Variants in EHMT2 observed in about 807,000 individuals in gnomAD.
The protein encoded by EHMT2 is euchromatic histone lysine methyltransferase 2, also known as histone-lysine N-methyltransferase EHMT2.
A neutral mutation model predicts 143.3 loss-of-function variants in EHMT2; 59 were observed. The observed-to-expected ratio is 0.41, with a 90% CI of 0.33 to 0.51. The LOEUF (loss-of-function observed/expected upper bound fraction) is 0.51, where lower values mean the gene tolerates loss of function less well. Ranked by LOEUF, EHMT2 falls within the 20% of genes least tolerant of loss-of-function variation. EHMT2 has a pLI of 0.18. For missense variants in EHMT2, 1,174 were observed against 1,645.9 expected (o/e 0.71, Z 4.96); for synonymous variants, 604 against 651.5 (o/e 0.93, Z 1.11).
In EHMT2 at chr6:31,881,841, C is replaced by T. The variant is rs573153580; in HGVS notation, c.3198-749G>A. 1.4e-4 allele frequency among the ~76,000 whole-genome samples: 21 copies of T among 152,164 alleles called. No homozygotes were observed. The highest frequency in any genetic ancestry group is 4.3e-4 in the African/African-American group (18 of 41,446). On this transcript the variant is annotated intron_variant, in intron 25 of 27. Coordinates refer to ENST00000375537, the Ensembl canonical transcript of EHMT2. This position sits in a 1 kb window ranked among gnomAD's most constrained non-coding sequence, Gnocchi z 4.8. ...AAGAATGGTCAGGCACGGTGGCTCA[C>T]GCCTGTAATCCCAGCACTTTGGGAG...
chr6:31,893,646 G>A, intron 4 of EHMT2: 1 of 271,028 alleles, frequency 3.7e-6, no homozygotes, highest in Non-Finnish European at 7.5e-6. Flanking sequence ...TTCTTTTAGA[G>A]ATGGGGTCTT....
intron 6 of EHMT2, 25 bp from the exon 7 acceptor site, chr6:31,892,587 G>C (rs746691574): frequency 5.6e-6 from 9 of 1,612,762 alleles, no homozygotes; most frequent in Non-Finnish European, 7.6e-6. Context: ...GAAAAATTGA[G>C]GCCACTGACA....
At position 31,881,309 on chromosome 6, in the gene EHMT2, GCT is replaced by G; in HGVS notation, c.3198-219_3198-218del. 1 of 615,962 alleles carries G rather than the reference GCT, an allele frequency of 1.6e-6. No homozygotes were observed. Among genetic ancestry groups the G allele is most frequent in the Non-Finnish European group, 2.9e-6 (1 of 343,838 alleles). The allele number at this position is 615,962 out of a possible 1,614,324, so 38.2% of individuals were successfully genotyped here. ...CAGTCAGCACAGAGACAGACAACAAGCTCTGTGGTTAAGGGGATTAATGTGTA... is the reference window on the plus strand; with the variant it reads ...CAGTCAGCACAGAGACAGACAACAAGCTGTGGTTAAGGGGATTAATGTGTA... On this transcript the variant is annotated intron_variant, in intron 25 of 27. Coordinates refer to ENST00000375537, the Ensembl canonical transcript of EHMT2. The surrounding 1 kb of genome is among the most constrained non-coding windows in gnomAD (Gnocchi z 4.8).
chr6:31,880,868 C>A lies in EHMT2; in HGVS notation c.3277-20G>T. On this transcript the variant is annotated intron_variant, in intron 26 of 27. Transcript: ENST00000375537. The surrounding 1 kb of genome is among the most constrained non-coding windows in gnomAD (Gnocchi z 6.6). ...TCCATCCTGGGGCAGGGGGATGGCA[C>A]TCTTCACATCTCCCCCGACCCTGCT... is the stretch of plus-strand genomic sequence containing the variant. The A allele has an allele frequency of 6.2e-7, 1 of 1,612,722 alleles. No individual in the cohort carries two copies.
intron 18 of EHMT2, 98 bp downstream of exon 18, chr6:31,886,483 T>G: frequency 7.4e-6 from 7 of 943,974 alleles, no homozygotes; most frequent in Non-Finnish European, 1.1e-5. Context: ...ACGAGCAGTG[T>G]GAGGTCAGAT....
chr6:31,883,256 C>G lies in EHMT2; in HGVS notation c.2994+106G>C. 2 of 1,223,832 alleles carry G rather than the reference C, an allele frequency of 1.6e-6. No individual in the cohort carries two copies. The highest frequency in any genetic ancestry group is 2.3e-6 in the Non-Finnish European group (2 of 854,130). The allele number at this position is 1,223,832 out of a possible 1,614,324, so 75.8% of individuals were successfully genotyped here. On this transcript the variant is annotated intron_variant, in intron 23 of 27. Coordinates refer to ENST00000375537, the Ensembl canonical transcript of EHMT2. This position sits in a 1 kb window ranked among gnomAD's most constrained non-coding sequence, Gnocchi z 5.6. ...GCCCAGTCCTCTCAGTCACTTCCCC[C>G]ACAGGGTAGGAGGTGAGGGACATGG...
chr6:31,889,367 T>A lies in EHMT2; in HGVS notation c.1000-25A>T, dbSNP rs951240652. 2 of 1,610,376 alleles carry A rather than the reference T, an allele frequency of 1.2e-6. No homozygotes were observed. Among genetic ancestry groups the A allele is most frequent in the East Asian group, 4.5e-5 (2 of 44,856 alleles). ...TCTGGGAAGGGGGAGGAGGAGGAGT[T>A]AGGAACCCTCACCCCCAGGGGCCCC... On this transcript the variant is annotated intron_variant, in intron 8 of 27. Coordinates refer to ENST00000375537, the Ensembl canonical transcript of EHMT2. The surrounding 1 kb of genome is among the most constrained non-coding windows in gnomAD (Gnocchi z 5.1).
At position 31,891,907 on chromosome 6, in the gene EHMT2, G is replaced by T. The variant is rs73404132; in HGVS notation, c.864+500C>A. Among the ~76,000 whole-genome samples the T allele has an allele frequency of 3.6e-3, 553 of 152,192 alleles. 3 individuals carry two copies. Among genetic ancestry groups the T allele is most frequent in the African/African-American group, 0.013 (532 of 41,526 alleles). On this transcript the variant is annotated intron_variant, in intron 7 of 27. Coordinates refer to ENST00000375537, the Ensembl canonical transcript of EHMT2. The stretch of plus-strand genomic sequence containing the variant: ...GAATACTAAATCCCATGTGCAGGGT[G>T]GTGGCCACCTTTGTGGATGAAACGG...
Position 31,883,203 on chromosome 6 carries a change from C to T in EHMT2, c.2994+159G>A. ...CCTGGGCACACGCCCATCGCTGTCC[C>T]AGCCACATCCCAGGATTCCCAGGCC... is the stretch of plus-strand genomic sequence containing the variant. On this transcript the variant is annotated intron_variant, in intron 23 of 27. Transcript: ENST00000375537. This position sits in a 1 kb window ranked among gnomAD's most constrained non-coding sequence, Gnocchi z 5.6. 1 of 897,730 alleles carries T rather than the reference C, an allele frequency of 1.1e-6. No individual in the cohort carries two copies. Among genetic ancestry groups the T allele is most frequent in the Non-Finnish European group, 1.7e-6 (1 of 572,798 alleles). The allele number at this position is 897,730 out of a possible 1,614,324, so 55.6% of individuals were successfully genotyped here. A position where few individuals can be genotyped will look rare whatever the true frequency, so the allele number is the denominator to read the frequency against.
At chr6:31,887,820 C>A (rs1291095047) in exon 14 of EHMT2, 1 of 1,607,654 alleles carries the variant, frequency 6.2e-7, no homozygotes, top group Admixed American at 1.7e-5. Flanking sequence ...CCAGGGCCTC[C>A]CGGCCTGGCC....
At chr6:31,890,018 A>G (rs1765478587) in intron 7 of EHMT2, among the ~76,000 whole-genome samples, 1 of 152,184 alleles carries the variant, frequency 6.6e-6, no homozygotes, top group Non-Finnish European at 1.5e-5. Flanking sequence ...TATCACTAAC[A>G]AGAAAAATGA....
chr6:31,882,981 T>A, exon 24 of EHMT2: 1 of 1,612,886 alleles, frequency 6.2e-7, no homozygotes, highest in Non-Finnish European at 8.5e-7. Flanking sequence ...AGGCTCAATC[T>A]TGTTAAATTC....
Position 31,893,022 on chromosome 6 carries a change from T to C in EHMT2, c.583-112A>G, listed in dbSNP as rs887726818. The stretch of plus-strand genomic sequence containing the variant: ...TAGTGAGCCACACCTCCAAATGCCA[T>C]GTGAGGCTCCAGTAGCCACAAACTG... On this transcript the variant is annotated intron_variant, in intron 4 of 27. Coordinates refer to ENST00000375537, the Ensembl canonical transcript of EHMT2. 9 of 650,228 alleles carry C rather than the reference T, an allele frequency of 1.4e-5. 1 individual carries two copies. In the South Asian group the frequency reaches 1.6e-4, roughly 12 times the overall value. 40.3% of individuals were successfully genotyped at this position (650,228 alleles called of 1,614,324 possible).
At chr6:31,897,046 T>A in intron 1 of EHMT2, 57 bp from the exon 2 acceptor site, 1 of 1,510,502 alleles carries the variant, frequency 6.6e-7, no homozygotes. Flanking sequence ...AGTTGGGGGG[T>A]CCAGGATGCC....
rs769414717 is a variant in EHMT2, at chr6:31,884,649, C to T, written c.2599G>A (p.Val867Met). 8 of 1,587,134 alleles carry T rather than the reference C, an allele frequency of 5.0e-6. No individual in the cohort carries two copies. The highest frequency in any genetic ancestry group is 1.1e-5 in the South Asian group (1 of 87,476). Residue 867 changes from valine to methionine, a missense_variant, in exon 20 of 28, where the codon GTG becomes ATG. Coordinates refer to ENST00000375537, the Ensembl canonical transcript of EHMT2. This position sits in a 1 kb window ranked among gnomAD's most constrained non-coding sequence, Gnocchi z 7.3. ...AAGGGCGGGGCAGGGGCTCACAGCA[C>T]GCAGTCATGGTAGCTCTCCCGAGCT...
At chr6:31,893,208 G>T in intron 4 of EHMT2, 2 of 533,866 alleles carry the variant, frequency 3.7e-6, no homozygotes, top group East Asian at 3.3e-5. Context: ...TACACAGCAG[G>T]ACTGTTTACA....
chr6:31,896,952 T>C, exon 2 of EHMT2: 1 of 1,589,656 alleles, frequency 6.3e-7, no homozygotes. Flanking sequence ...GGTTTCCTTC[T>C]CCAGCAGCAG....
rs749353979 is a variant in EHMT2 at position 31,896,257 on chromosome 6, A to G, written c.582+6T>C. On this transcript the variant is annotated splice_donor_region_variant and intron_variant, in intron 4 of 27. Coordinates refer to ENST00000375537, the Ensembl canonical transcript of EHMT2. ...TTGATTATCCCATCTCTCCCATCCC[A>G]CTCACCTGTCCATTTCCTGGTTTGG... The G allele has an allele frequency of 6.2e-7, 1 of 1,608,802 alleles. No individual in the cohort carries two copies. Among genetic ancestry groups the G allele is most frequent in the South Asian group, 1.1e-5 (1 of 90,934 alleles).
intron 18 of EHMT2, 126 bp from the exon 19 acceptor site, chr6:31,885,142 G>C: frequency 8.0e-7 from 1 of 1,255,106 alleles, no homozygotes; most frequent in Non-Finnish European, 1.1e-6. Flanking sequence ...CCCTGGGTAA[G>C]TCACTTAACG....
Sources: allele counts gnomAD v4.1 joint callset (sites outside exome capture counted in the v4.1 genomes callset), GRCh38; gene constraint gnomAD v4.1.1; non-coding constraint Gnocchi (gnomAD v3.1); transcripts MANE v1.5; gene names NCBI Gene and HGNC (gene_info 2026-07-23, HGNC 2026-07-21).